TTC34: variants seen among roughly 807,000 people sequenced by gnomAD.
TTC34 encodes the protein tetratricopeptide repeat domain 34.
In TTC34, 44 loss-of-function variants were observed where a neutral mutation model predicts 40.7. That is an observed-to-expected ratio of 1.08 (90% CI 0.85 to 1.39). TTC34 has a LOEUF of 1.39. Ranked by LOEUF, TTC34 falls within the 40% of genes most tolerant of loss-of-function variation. The pLI is 0.00. For synonymous variants in TTC34, 422 were observed against 398.6 expected (o/e 1.06, Z -0.70); for missense variants, 884 against 838.0 (o/e 1.05, Z -0.68).
At chr1:2,790,954 T>G (rs1013021321) in intron 2 of TTC34, among the ~76,000 whole-genome samples, 3 of 152,076 alleles carry the variant, frequency 2.0e-5, no homozygotes, top group African/African-American at 7.2e-5. Flanking sequence ...ATTTACGGAG[T>G]CTCCTGCGTC....
chr1:2,787,738 C>G, intron 3 of TTC34, 32 bp from the exon 4 acceptor site: 2 of 1,479,112 alleles, frequency 1.4e-6, no homozygotes, highest in Non-Finnish European at 1.8e-6. Flanking sequence ...GGGGCATGCC[C>G]CTTTTGACAA....
intron 6 of TTC34, among the ~76,000 whole-genome samples, chr1:2,657,461 C>G (rs1261634649): frequency 3.3e-5 from 3 of 91,064 alleles, no homozygotes; most frequent in African/African-American, 1.0e-4. Flanking sequence ...GCACCCACGC[C>G]CCCAGGCGAG....
chr1:2,687,357 C>A (rs867995843), intron 6 of TTC34, among the ~76,000 whole-genome samples: 528 of 127,184 alleles, frequency 4.2e-3, no homozygotes, highest in Admixed American at 7.5e-3. Context: ...CCTGGAGCAG[C>A]ACCCCCACCC....
exon 9 of TTC34, chr1:2,639,455 T>G (rs1187954667): frequency 6.6e-6 from 1 of 152,418 alleles, no homozygotes; most frequent in Non-Finnish European, 1.5e-5. Context: ...GGCCCCGACA[T>G]TGGAGCAGGC....
At chr1:2,788,819 C>T (rs537257067) in intron 3 of TTC34, among the ~76,000 whole-genome samples, 1 of 152,290 alleles carries the variant, frequency 6.6e-6, no homozygotes, top group South Asian at 2.1e-4. Context: ...AAAGGCCAGG[C>T]GCGGTGGCTC....
chr1:2,683,393 C>T, intron 6 of TTC34, among the ~76,000 whole-genome samples: 1 of 51,098 alleles, frequency 2.0e-5, no homozygotes, highest in Non-Finnish European at 5.8e-5. Flanking sequence ...CACCCACACG[C>T]CCAGGTGAGC....
intron 6 of TTC34, among the ~76,000 whole-genome samples, chr1:2,652,003 C>T (rs1639150904): frequency 7.3e-6 from 1 of 137,056 alleles, no homozygotes; most frequent in Non-Finnish European, 1.6e-5. Flanking sequence ...AGCATCCATA[C>T]CCCAGGTGAG....
exon 9 of TTC34, chr1:2,641,560 G>A (rs769825854): frequency 6.5e-7 from 1 of 1,533,466 alleles, no homozygotes; most frequent in East Asian, 2.4e-5. Context: ...CTGGCTGCCT[G>A]CACAGGCTGT....
chr1:2,769,812 G>T (rs1454656826), intron 6 of TTC34, among the ~76,000 whole-genome samples: 3 of 100,894 alleles, frequency 3.0e-5, no homozygotes, highest in African/African-American at 4.6e-5. Context: ...GCATCTGACA[G>T]CCTGGAGCAG....
chr1:2,646,077 GA>G (rs1022808561), intron 6 of TTC34, among the ~76,000 whole-genome samples: 5 of 152,172 alleles, frequency 3.3e-5, no homozygotes, highest in African/African-American at 1.2e-4. Context: ...GTAACTCCCA[GA>G]AGCAGTGGAA....
rs1436582212 is a variant in TTC34 at position 2,749,692 on chromosome 1, T to G, written c.2226+33917A>C. On this transcript the variant is annotated intron_variant, in intron 6 of 8. Coordinates refer to ENST00000401095, the Ensembl canonical transcript of TTC34. The stretch of plus-strand genomic sequence containing the variant: ...TGGAGCAGCAACCTGCACACCCAGG[T>G]GAGCATCTGACAGTCTGGAACAGCA... Among the ~76,000 whole-genome samples the G allele has an allele frequency of 2.9e-5, 2 of 68,024 alleles. 1 individual carries two copies. Among genetic ancestry groups the G allele is most frequent in the Non-Finnish European group, 5.2e-5 (2 of 38,112 alleles). 44.6% of individuals were successfully genotyped at this position (68,024 alleles called of 152,430 possible).
At chr1:2,673,356 C>A (rs1639769430) in intron 6 of TTC34, among the ~76,000 whole-genome samples, 3 of 73,054 alleles carry the variant, frequency 4.1e-5, no homozygotes, top group African/African-American at 9.3e-5. Flanking sequence ...GAACCCACGG[C>A]CACAGGCGAG....
chr1:2,641,990 T>C lies in TTC34; in HGVS notation c.2713-95A>G. 3 of 1,289,350 alleles carry C rather than the reference T, an allele frequency of 2.3e-6. No homozygotes were observed. The South Asian group carries it at 4.9e-5, about 21-fold the overall frequency. The allele number at this position is 1,289,350 out of a possible 1,614,324, so 79.9% of individuals were successfully genotyped here. On this transcript the variant is annotated intron_variant, in intron 8 of 8. Coordinates refer to ENST00000401095, the Ensembl canonical transcript of TTC34. ...GCAGAGGTCCTCTGCACAGCCAGCT[T>C]CTGCTGGCTCCCTGGGGATGGCGGG...
chr1:2,750,826 A>C, intron 6 of TTC34, among the ~76,000 whole-genome samples: 1 of 125,864 alleles, frequency 7.9e-6, no homozygotes, highest in Non-Finnish European at 1.6e-5. Flanking sequence ...AGCATCTGAC[A>C]GCCTGGAGCA....
Position 2,789,526 on chromosome 1 carries a change from C to CGTCT in TTC34, c.1601_1604dup (p.Gly536AspfsTer37). On this transcript the variant is annotated frameshift_variant, in exon 3 of 9. Transcript: ENST00000401095. LOFTEE classifies it high-confidence loss of function. The stretch of plus-strand genomic sequence containing the variant: ...ACCCCTCCTGCGTGGTGGGGCCGCC[C>CGTCT]GTCTCTGCGGCCTCCCTCCGGCCCT... 6.7e-7 allele frequency: 1 copy of CGTCT among 1,502,036 alleles called. No individual in the cohort carries two copies. The highest frequency in any genetic ancestry group is 8.9e-7 in the Non-Finnish European group (1 of 1,128,854). The allele number at this position is 1,502,036 out of a possible 1,614,324, so 93.0% of individuals were successfully genotyped here.
At chr1:2,675,066 G>C (rs4648714) in intron 6 of TTC34, among the ~76,000 whole-genome samples, 6 of 115,332 alleles carry the variant, frequency 5.2e-5, no homozygotes, top group Admixed American at 8.7e-5. Context: ...GGAGAGTCAG[G>C]AGCAGTGCCC....
intron 6 of TTC34, among the ~76,000 whole-genome samples, chr1:2,759,383 G>T (rs1454377747): frequency 1.1e-5 from 1 of 90,392 alleles, no homozygotes; most frequent in Non-Finnish European, 2.1e-5. Context: ...CGACAGCCTG[G>T]AGCAGCACCC....
At chr1:2,685,035 C>T (rs1449746622) in intron 6 of TTC34, among the ~76,000 whole-genome samples, 1 of 130,208 alleles carries the variant, frequency 7.7e-6, no homozygotes, top group Admixed American at 7.4e-5. Context: ...ACAGCACCCA[C>T]ACCCACAGGT....
chr1:2,750,626 G>A (rs1641286504), intron 6 of TTC34, among the ~76,000 whole-genome samples: 176 of 140,844 alleles, frequency 1.2e-3, no homozygotes, highest in Admixed American at 3.3e-3. Context: ...GCATCTGACA[G>A]CCTGGAGCAG....
Sources: gnomAD v4.1 joint callset for allele counts (sites outside exome capture counted in the v4.1 genomes callset) on GRCh38, gnomAD v4.1.1 for gene constraint, MANE v1.5 for transcripts, NCBI Gene and HGNC (gene_info 2026-07-23, HGNC 2026-07-21) for gene names.